The following PDE7B variants were observed in gnomAD, a reference collection of about 807,000 sequenced individuals.
The protein encoded by PDE7B is 3',5'-cyclic-AMP phosphodiesterase 7B.
Under a neutral mutation model 56.2 loss-of-function variants are expected in PDE7B, and 29 were observed. That is an observed-to-expected ratio of 0.52 (90% CI 0.38 to 0.70). The LOEUF is 0.70. Among genes scored for constraint, PDE7B ranks in the 30% least tolerant of loss-of-function variants. The pLI, the probability that PDE7B is intolerant of heterozygous loss-of-function variation, is 0.00. For missense variants in PDE7B, 490 were observed against 565.0 expected, an observed-to-expected ratio of 0.87 and a Z score of 1.35; for synonymous variants, 197 against 196.9, an observed-to-expected ratio of 1.00 and a Z score of 0.00.
rs543702121 is a variant in PDE7B, at chr6:136,001,096, G to A, written c.82+53572G>A. ...CTGATATCCAGGCAAACAGAGTCTGGAGTGGACCTCTAGCAAACTCCAACA... is the reference window on the plus strand; with the variant it reads ...CTGATATCCAGGCAAACAGAGTCTGAAGTGGACCTCTAGCAAACTCCAACA... On this transcript the variant is annotated intron_variant, in intron 2 of 12. Coordinates refer to ENST00000308191, the MANE Select transcript of PDE7B (RefSeq NM_018945.4). 3.2e-3 allele frequency among the ~76,000 whole-genome samples: 487 copies of A among 152,326 alleles called. 2 individuals are homozygous for A. Among genetic ancestry groups the A allele is most frequent in the Non-Finnish European group, 4.5e-3 (303 of 68,036 alleles).
intron 2 of PDE7B, among the ~76,000 whole-genome samples, chr6:136,066,619 A>G (rs1776940906): frequency 6.6e-6 from 1 of 152,202 alleles, no homozygotes. Flanking sequence ...AGTTTTTACT[A>G]AAAATCCTTT....
chr6:135,855,311 A>C lies in PDE7B; in HGVS notation c.21+3292A>C, dbSNP rs1775005213. On this transcript the variant is annotated intron_variant, in intron 1 of 12. Transcript: ENST00000308191. Reference sequence around the variant, plus strand: ...GATGTCAAGGGCTGTGCCTGTGAATAAGCAATGATTCCCACATTAGGAAAC... The same window carrying C: ...GATGTCAAGGGCTGTGCCTGTGAATCAGCAATGATTCCCACATTAGGAAAC... Among the ~76,000 whole-genome samples the C allele has an allele frequency of 2.0e-5, 3 of 152,202 alleles. No individual in the cohort carries two copies. The South Asian group carries it at 6.2e-4, about 32-fold the overall frequency.
intron 8 of PDE7B, among the ~76,000 whole-genome samples, chr6:136,161,056 G>A (rs1377171062): frequency 6.6e-6 from 1 of 152,034 alleles, no homozygotes; most frequent in East Asian, 1.9e-4. Flanking sequence ...TCTTCCTTCT[G>A]CCTATTTGAA....
chr6:135,998,781 C>CA (rs58367410), intron 2 of PDE7B, among the ~76,000 whole-genome samples: 1,503 of 145,120 alleles, frequency 0.01, 14 homozygotes, highest in Middle Eastern at 0.038. Flanking sequence ...AAAAAATAAA[C>CA]AAAAAAAAAA....
chr6:136,035,958 G>A (rs1051371249), intron 2 of PDE7B, among the ~76,000 whole-genome samples: 1 of 152,124 alleles, frequency 6.6e-6, no homozygotes, highest in Admixed American at 6.5e-5. Context: ...CTGATGCTAA[G>A]TACTATTGCA....
At chr6:136,088,285 A>G (rs1006148302) in intron 2 of PDE7B, among the ~76,000 whole-genome samples, 3 of 152,196 alleles carry the variant, frequency 2.0e-5, no homozygotes, top group African/African-American at 7.2e-5. Flanking sequence ...GGGCAGAGAA[A>G]GAGAAGAGGC....
At position 136,116,791 on chromosome 6, in the gene PDE7B, C is replaced by G. The variant is rs145484420; in HGVS notation, c.166+7977C>G. On this transcript the variant is annotated intron_variant, in intron 3 of 12. Transcript: ENST00000308191. ...CTTGGGAATCATAATCATTCATGAG[C>G]CATCTGGCCAGAACAGGCGTCATGA... Among the ~76,000 whole-genome samples the G allele has an allele frequency of 4.4e-3, 665 of 152,324 alleles. 2 individuals are homozygous for G. The highest frequency in any genetic ancestry group is 6.2e-3 in the Non-Finnish European group (421 of 68,026).
chr6:136,043,443 T>A (rs571283005), intron 2 of PDE7B, among the ~76,000 whole-genome samples: 13 of 152,042 alleles, frequency 8.6e-5, no homozygotes, highest in African/African-American at 3.1e-4. Context: ...AAATTCTGCA[T>A]CTCCATTACT....
At chr6:136,001,494 G>A (rs1355223999) in intron 2 of PDE7B, among the ~76,000 whole-genome samples, 1 of 152,176 alleles carries the variant, frequency 6.6e-6, no homozygotes, top group South Asian at 2.1e-4. Context: ...CCAATACAGA[G>A]AAGTGCTTAA....
At chr6:135,857,145 G>GA (rs1775050642) in intron 1 of PDE7B, among the ~76,000 whole-genome samples, 1 of 151,114 alleles carries the variant, frequency 6.6e-6, no homozygotes, top group South Asian at 2.1e-4. Context: ...GGAAAGAAGG[G>GA]AAAAATAGAT....
intron 2 of PDE7B, among the ~76,000 whole-genome samples, chr6:135,965,517 C>A (rs1303798102): frequency 6.6e-6 from 1 of 152,128 alleles, no homozygotes; most frequent in East Asian, 1.9e-4. Context: ...GTTTGATGGG[C>A]CCACAGTTCC....
intron 8 of PDE7B, among the ~76,000 whole-genome samples, chr6:136,168,939 A>C (rs998994705): frequency 2.0e-5 from 3 of 152,134 alleles, no homozygotes; most frequent in Non-Finnish European, 4.4e-5. Context: ...CCAGGTATTT[A>C]TCAGCTTGTA....
intron 1 of PDE7B, among the ~76,000 whole-genome samples, chr6:135,939,971 T>C (rs1414939891): frequency 6.6e-6 from 1 of 152,196 alleles, no homozygotes; most frequent in Non-Finnish European, 1.5e-5. Flanking sequence ...TTTGATACAA[T>C]GCTAGAGTAA....
At chr6:135,887,321 C>T (rs897449679) in intron 1 of PDE7B, among the ~76,000 whole-genome samples, 14 of 152,084 alleles carry the variant, frequency 9.2e-5, no homozygotes, top group Admixed American at 3.3e-4. Context: ...TTATACTGTG[C>T]AAGACCTTTT....
chr6:135,928,540 CACAT>C (rs1300846736), intron 1 of PDE7B, among the ~76,000 whole-genome samples: 1 of 103,138 alleles, frequency 9.7e-6, no homozygotes, highest in East Asian at 2.7e-4. Context: ...CACACACACA[CACAT>C]ACACACACAC....
chr6:136,067,804 T>TG (rs1236551190), intron 2 of PDE7B, among the ~76,000 whole-genome samples: 5 of 152,166 alleles, frequency 3.3e-5, no homozygotes, highest in African/African-American at 1.2e-4. Context: ...GATCGCTAAT[T>TG]GGAGTTTGCA....
chr6:135,896,316 C>A (rs1476981792), intron 1 of PDE7B, among the ~76,000 whole-genome samples: 2 of 152,060 alleles, frequency 1.3e-5, no homozygotes, highest in Non-Finnish European at 2.9e-5. Context: ...AGGACTGGGT[C>A]TCTGCCAGAA....
At chr6:135,963,925 C>G (rs1774948643) in intron 2 of PDE7B, among the ~76,000 whole-genome samples, 1 of 152,082 alleles carries the variant, frequency 6.6e-6, no homozygotes, top group Non-Finnish European at 1.5e-5. Context: ...CCAGTGAGCT[C>G]TAAAGAGGCC....
chr6:135,934,116 A>G (rs939526685), intron 1 of PDE7B, among the ~76,000 whole-genome samples: 8 of 152,234 alleles, frequency 5.3e-5, no homozygotes, highest in African/African-American at 1.7e-4. Flanking sequence ...ACTCATGTCA[A>G]TGATTATCTC....
Sources: gnomAD v4.1 joint callset for allele counts (sites outside exome capture counted in the v4.1 genomes callset) on GRCh38, gnomAD v4.1.1 for gene constraint, MANE v1.5 for transcripts, NCBI Gene and HGNC (gene_info 2026-07-23, HGNC 2026-07-21) for gene names.